Variants in ZNF318 observed in about 807,000 individuals in gnomAD.
ZNF318 encodes the protein endocrine regulator.
Under a neutral mutation model 124.2 loss-of-function variants are expected in ZNF318, and 51 were observed. The ratio of observed to expected loss-of-function variants is 0.41; its 90% CI spans 0.33 to 0.52. ZNF318 has a LOEUF of 0.52. ZNF318 is among the 20% of genes least tolerant of loss of function. The pLI, the probability that ZNF318 is intolerant of heterozygous loss-of-function variation, is 0.23. For synonymous variants in ZNF318, 1,090 were observed against 1,040.7 expected, an observed-to-expected ratio of 1.05 and a Z score of -0.91; for missense variants, 2,815 against 2,811.2, an observed-to-expected ratio of 1.00 and a Z score of -0.03.
In ZNF318 at chr6:43,338,139, G is replaced by A; in HGVS notation, c.5859C>T (p.Ile1953=). 4 of 1,613,808 alleles carry A rather than the reference G, an allele frequency of 2.5e-6. No individual in the cohort carries two copies. In the South Asian group the frequency reaches 3.3e-5, roughly 13 times the overall value. ...TTTCATCCCAAACAGCCAACTCATA[G>A]ATCTTTTTAACTTGAAAGTCTTTTG... ...ERSKDFQVKK[I]YELAVWDENK... is the part of the protein sequence containing the mutation. Residue 1953 remains isoleucine (I), a synonymous_variant, in exon 10 of 10, where the codon ATC becomes ATT. Coordinates refer to ENST00000361428, the MANE Select transcript of ZNF318 (RefSeq NM_014345.3).
Position 43,340,328 on chromosome 6 carries a change from T to C in ZNF318, c.3670A>G (p.Lys1224Glu). 3 of 1,614,178 alleles carry C rather than the reference T, an allele frequency of 1.9e-6. No homozygotes were observed. Among genetic ancestry groups the C allele is most frequent in the Non-Finnish European group, 1.7e-6 (2 of 1,180,034 alleles). ...EKKAKAVKEV[K>E]EDDKVSEKLE... ...TTCTCAGAGACCTTGTCATCCTCCT[T>C]TACTTCTTTCACAGCCTTTGCCTTT... is the stretch of plus-strand genomic sequence containing the variant. The change falls in exon 10 of 10, where the codon AAG becomes GAG. Residue 1224 changes from lysine to glutamate, a missense_variant. Around this residue, in one of 4 missense-constraint regions of ZNF318, gnomAD observed 500 missense variants for 605.2 expected, o/e 0.83. Transcript: ENST00000361428.
chr6:43,347,007 G>A (rs1032632701), intron 6 of ZNF318, among the ~76,000 whole-genome samples: 1 of 152,094 alleles, frequency 6.6e-6, no homozygotes, highest in African/African-American at 2.4e-5. Flanking sequence ...TAAATGTTAA[G>A]AAGGAAAATT....
intron 6 of ZNF318, 79 bp from the exon 7 acceptor site, chr6:43,342,958 T>C (rs1406721458): frequency 3.8e-5 from 45 of 1,187,520 alleles, no homozygotes; most frequent in Non-Finnish European, 5.2e-5. Context: ...TAAGTGGCCA[T>C]AATAATAGAA....
At chr6:43,360,857 A>C (rs1350271406) in intron 2 of ZNF318, among the ~76,000 whole-genome samples, 2 of 152,238 alleles carry the variant, frequency 1.3e-5, no homozygotes, top group African/African-American at 4.8e-5. Flanking sequence ...ATATGATTCT[A>C]TTTATATGAA....
chr6:43,356,171 A>T (rs1285962726), intron 3 of ZNF318, 26 bp from the exon 4 acceptor site: 1 of 1,580,834 alleles, frequency 6.3e-7, no homozygotes, highest in Non-Finnish European at 8.6e-7. Flanking sequence ...CAACTGATTT[A>T]GTCTTATGCA....
At chr6:43,363,896 C>T in intron 2 of ZNF318, 1 of 693,536 alleles carries the variant, frequency 1.4e-6, no homozygotes, top group Non-Finnish European at 2.6e-6. Flanking sequence ...GCCAAGCTCT[C>T]CATTCTCCCT....
In ZNF318 at chr6:43,355,690, T is replaced by G; in HGVS notation, c.1644A>C (p.Ala548=). Residue 548 remains alanine (A), a synonymous_variant, in exon 4 of 10, where the codon GCA becomes GCC. Transcript: ENST00000361428. The stretch of plus-strand genomic sequence containing the variant: ...TCCCAAGGGGCTTTGGTACGGATTC[T>G]GCCTTTAAATCCTCTTCTTCATCCC... ...LYGDEEEDLK[A]ESVPKPLGSS... 6.2e-7 allele frequency: 1 copy of G among 1,614,206 alleles called. No homozygotes were observed. Among genetic ancestry groups the G allele is most frequent in the Non-Finnish European group, 8.5e-7 (1 of 1,180,034 alleles).
intron 6 of ZNF318, among the ~76,000 whole-genome samples, chr6:43,348,093 C>T (rs1779474178): frequency 6.6e-6 from 1 of 152,130 alleles, no homozygotes; most frequent in Non-Finnish European, 1.5e-5. Context: ...GGAGTAAATG[C>T]TGGAACAAGA....
intron 7 of ZNF318, 119 bp from the exon 8 acceptor site, chr6:43,342,330 C>A (rs1238516940): frequency 2.8e-6 from 2 of 709,676 alleles, no homozygotes; most frequent in Non-Finnish European, 4.5e-6. Context: ...TACCCACCCC[C>A]ACCCCCTCTG....
Position 43,369,055 on chromosome 6 carries a change from G to C in ZNF318, c.311C>G (p.Ala104Gly). 7.4e-7 allele frequency: 1 copy of C among 1,358,110 alleles called. No homozygotes were observed. Among genetic ancestry groups the C allele is most frequent in the Admixed American group, 3.2e-5 (1 of 31,018 alleles). 84.1% of individuals were successfully genotyped at this position (1,358,110 alleles called of 1,614,324 possible). A position where few individuals can be genotyped will look rare whatever the true frequency, so the allele number is the denominator to read the frequency against. ...RGRRLFPPGP[A>G]GFRGSSRGES... ...CCCCCGGCTGCTGCCTCTGAAGCCG[G>C]CCGGGCCCGGCGGGAAGAGTCGTCG... is the stretch of plus-strand genomic sequence containing the variant. The change falls in exon 1 of 10, where the codon GCC (alanine) becomes GGC (glycine). Residue 104 changes from alanine to glycine, a missense_variant. By Grantham distance (60) the Ala-to-Gly change is moderately conservative (BLOSUM62 0). Coordinates refer to ENST00000361428, the MANE Select transcript of ZNF318 (RefSeq NM_014345.3).
In ZNF318 at chr6:43,339,559, G is replaced by A; in HGVS notation, c.4439C>T (p.Pro1480Leu). 6.2e-7 allele frequency: 1 copy of A among 1,613,790 alleles called. No individual in the cohort carries two copies. Among genetic ancestry groups the A allele is most frequent in the Middle Eastern group, 1.7e-4 (1 of 6,060 alleles). Residue 1480 changes from proline to leucine, a missense_variant, in exon 10 of 10, where the codon CCA becomes CTA. Coordinates refer to ENST00000361428, the MANE Select transcript of ZNF318 (RefSeq NM_014345.3). This position sits in a 1 kb window ranked among gnomAD's most constrained non-coding sequence, Gnocchi z 4.2. ...NAILAPVKSN[P>L]VVSQTLSPGF... ...AGGGCTGAGAGTCTGAGATACAACTGGGTTTGATTTTACTGGAGCCAAGAT... is the reference window on the plus strand; with the variant it reads ...AGGGCTGAGAGTCTGAGATACAACTAGGTTTGATTTTACTGGAGCCAAGAT...
chr6:43,367,954 G>A (rs996408195), intron 1 of ZNF318, among the ~76,000 whole-genome samples: 1 of 152,192 alleles, frequency 6.6e-6, no homozygotes, highest in Non-Finnish European at 1.5e-5. Context: ...GAACCCCGGA[G>A]GCGGAGGTTA....
rs1779582407 is a variant in ZNF318, at chr6:43,354,907, T to C, written c.2427A>G (p.Gln809=). Residue 809 remains glutamine (Q), a synonymous_variant, in exon 4 of 10, where the codon CAA becomes CAG. Transcript: ENST00000361428. ...ASRWPMYPTS[Q]PSNHPVPEPH... is the part of the protein sequence containing the mutation. ...GTTCAGGTACAGGGTGGTTTGACGG[T>C]TGAGAGGTGGGATACATGGGCCATC... is the stretch of plus-strand genomic sequence containing the variant. 2 of 1,612,712 alleles carry C rather than the reference T, an allele frequency of 1.2e-6. No homozygotes were observed. The highest frequency in any genetic ancestry group is 1.3e-5 in the African/African-American group (1 of 74,890).
Position 43,365,408 on chromosome 6 carries a change from CAA to C in ZNF318, c.430_431del (p.Leu144GlyfsTer11). ...RRSPGLCSDS[L>X]EKSLRITVGN... ...CAACAGTGATCCTTAAGCTCTTTTC[CAA>C]AGAGTCAGAACACAGACCAGGAGAG... On this transcript the variant is annotated frameshift_variant, in exon 2 of 10. Coordinates refer to ENST00000361428, the MANE Select transcript of ZNF318 (RefSeq NM_014345.3). LOFTEE classifies it high-confidence loss of function. 6.2e-7 allele frequency: 1 copy of C among 1,613,980 alleles called. No homozygotes were observed. The highest frequency in any genetic ancestry group is 8.5e-7 in the Non-Finnish European group (1 of 1,179,974).
At chr6:43,363,101 G>A (rs888585736) in intron 2 of ZNF318, among the ~76,000 whole-genome samples, 1 of 152,144 alleles carries the variant, frequency 6.6e-6, no homozygotes, top group East Asian at 1.9e-4. Context: ...AACTCCTTAA[G>A]AGGAAAAATT....
In ZNF318 at chr6:43,352,456, T is replaced by A; in HGVS notation, c.2691A>T (p.Lys897Asn). The change falls in exon 5 of 10, where the codon AAA becomes AAT. Residue 897 changes from lysine to asparagine, a missense_variant. Lys to Asn is a moderately conservative substitution (Grantham distance 94). Around this residue, in one of 4 missense-constraint regions of ZNF318, gnomAD observed 1,377 missense variants for 1,353.5 expected, o/e 1.02. Transcript: ENST00000361428. ...QKQKVIEERE[K>N]LKNDREARQK... is the part of the protein sequence containing the mutation. ...GGCGGGCTTCCCGGTCATTCTTTAG[T>A]TTTTCCCTCTCTTCAATAACCTGCA... 3.1e-6 allele frequency: 5 copies of A among 1,614,124 alleles called. No homozygotes were observed. The South Asian group carries it at 5.5e-5, about 18-fold the overall frequency.
At position 43,338,517 on chromosome 6, in the gene ZNF318, G is replaced by T. The variant is rs1183800154; in HGVS notation, c.5481C>A (p.Asn1827Lys). 1 of 1,614,048 alleles carries T rather than the reference G, an allele frequency of 6.2e-7. No homozygotes were observed. The highest frequency in any genetic ancestry group is 1.3e-5 in the African/African-American group (1 of 74,916). ...CAGCCTCTTTGTCAATCATTAGCAA[G>T]TTGGGCTGTTTTACTTCTCCCTCCC... ...YMWEGEVKQP[N>K]LLMIDKEAEQ... is the part of the protein sequence containing the mutation. Residue 1827 changes from asparagine to lysine, a missense_variant, in exon 10 of 10, where the codon AAC (asparagine) becomes AAA (lysine). By Grantham distance (94) the Asn-to-Lys change is moderately conservative. Coordinates refer to ENST00000361428, the MANE Select transcript of ZNF318 (RefSeq NM_014345.3).
intron 2 of ZNF318, among the ~76,000 whole-genome samples, chr6:43,362,518 CT>C (rs1180416139): frequency 0.034 from 2,737 of 80,534 alleles, 11 homozygotes; most frequent in African/African-American, 0.074. Flanking sequence ...ACATACACGT[CT>C]TTTTTTTTTT....
In ZNF318 at chr6:43,337,629, T is replaced by C; in HGVS notation, c.6369A>G (p.Thr2123=). 1 of 1,614,166 alleles carries C rather than the reference T, an allele frequency of 6.2e-7. No homozygotes were observed. The highest frequency in any genetic ancestry group is 8.5e-7 in the Non-Finnish European group (1 of 1,180,018). ...CTGCTAACAGGTCAAGGGCCTGGTG[T>C]GTTCCCTCTAGGCCCCCCAAGCCAC... ...VDRGLGGLEG[T]HQALDLLAGG... The change falls in exon 10 of 10, where the codon ACA becomes ACG. Residue 2123 remains threonine (T), a synonymous_variant. Transcript: ENST00000361428.
Sources: gnomAD v4.1 joint callset for allele counts (sites outside exome capture counted in the v4.1 genomes callset) on GRCh38, gnomAD v4.1.1 for gene constraint, gnomAD v4.1.1 regional missense constraint, Gnocchi (gnomAD v3.1) non-coding constraint, MANE v1.5 for transcripts, NCBI Gene and HGNC (gene_info 2026-07-23, HGNC 2026-07-21) for gene names.